MCU: variants seen among roughly 807,000 people sequenced by gnomAD.
MCU encodes the protein calcium uniporter protein, mitochondrial.
Under a neutral mutation model 45.2 loss-of-function variants are expected in MCU, and 12 were observed. The ratio of observed to expected loss-of-function variants is 0.27; its 90% CI spans 0.17 to 0.43. The LOEUF (loss-of-function observed/expected upper bound fraction) is 0.43. Ranked by LOEUF, MCU falls within the 20% of genes least tolerant of loss-of-function variation. The probability of loss-of-function intolerance (pLI) is 1.00; values close to 1 mark genes in which losing one functional copy is unlikely to be tolerated. For missense variants in MCU, 324 were observed against 436.7 expected, an observed-to-expected ratio of 0.74 and a Z score of 2.30; for synonymous variants, 160 against 165.1, an observed-to-expected ratio of 0.97 and a Z score of 0.24.
intron 1 of MCU, among the ~76,000 whole-genome samples, chr10:72,784,798 A>G (rs1232446956): frequency 6.6e-6 from 1 of 152,138 alleles, no homozygotes; most frequent in Non-Finnish European, 1.5e-5. Context: ...TTGCCTTTTC[A>G]TGGGCTTGGG....
chr10:72,819,824 A>G (rs889315491), intron 1 of MCU, among the ~76,000 whole-genome samples: 9 of 143,994 alleles, frequency 6.3e-5, no homozygotes, highest in Non-Finnish European at 1.3e-4. Context: ...ACATTCTTCT[A>G]CATAATAATA....
chr10:72,697,691 C>T (rs1280583792), intron 1 of MCU, among the ~76,000 whole-genome samples: 2 of 152,122 alleles, frequency 1.3e-5, no homozygotes, highest in African/African-American at 4.8e-5. Context: ...ACCTCGGCCT[C>T]CCAAAGTGCT....
At chr10:72,719,475 G>A (rs540999765) in intron 1 of MCU, among the ~76,000 whole-genome samples, 1 of 152,268 alleles carries the variant, frequency 6.6e-6, no homozygotes, top group South Asian at 2.1e-4. Context: ...AAGAATGATC[G>A]GTCAAATAGT....
chr10:72,771,397 T>G (rs1389413729), intron 1 of MCU, among the ~76,000 whole-genome samples: 1 of 152,206 alleles, frequency 6.6e-6, no homozygotes, highest in East Asian at 1.9e-4. Flanking sequence ...CTGCATAGTA[T>G]TCCATGGTGT....
Position 72,800,660 on chromosome 10 carries a change from A to T in MCU, c.151-33699A>T, listed in dbSNP as rs561622705. On this transcript the variant is annotated intron_variant, in intron 1 of 7. Coordinates refer to ENST00000373053, the MANE Select transcript of MCU (RefSeq NM_138357.3). ...AGAATCACTGATAACAAAAGCAAAC[A>T]TCCTGTAACAGAATACTGAATACAA... 1.8e-4 allele frequency among the ~76,000 whole-genome samples: 27 copies of T among 152,332 alleles called. 1 individual carries two copies. In the South Asian group the frequency reaches 4.6e-3, roughly 26 times the overall value.
chr10:72,777,193 G>A (rs1843908388), intron 1 of MCU, among the ~76,000 whole-genome samples: 1 of 151,984 alleles, frequency 6.6e-6, no homozygotes, highest in Non-Finnish European at 1.5e-5. Flanking sequence ...ACAGAAATAG[G>A]GAAAAAAATT....
At chr10:72,857,098 C>A (rs1225367818) in intron 2 of MCU, among the ~76,000 whole-genome samples, 1 of 152,036 alleles carries the variant, frequency 6.6e-6, no homozygotes. Flanking sequence ...AGACACATGT[C>A]GCCACATCTG....
In MCU at chr10:72,822,958, G is replaced by A. The variant is rs148624824; in HGVS notation, c.151-11401G>A. Among the ~76,000 whole-genome samples the A allele has an allele frequency of 6.0e-3, 907 of 152,250 alleles. 12 individuals carry two copies. The highest frequency in any genetic ancestry group is 0.021 in the African/African-American group (855 of 41,540). ...TACTTTATATAAATACTCGTATGGCGATTCCTCACAATGTTATCAGAGTTC... is the reference window on the plus strand; with the variant it reads ...TACTTTATATAAATACTCGTATGGCAATTCCTCACAATGTTATCAGAGTTC... On this transcript the variant is annotated intron_variant, in intron 1 of 7. Transcript: ENST00000373053.
At chr10:72,726,137 G>A (rs907129525) in intron 1 of MCU, among the ~76,000 whole-genome samples, 1 of 151,750 alleles carries the variant, frequency 6.6e-6, no homozygotes, top group Non-Finnish European at 1.5e-5. Flanking sequence ...TGGGCTCAAA[G>A]GATCCTCCCA....
chr10:72,839,142 A>G (rs574006213), intron 2 of MCU, among the ~76,000 whole-genome samples: 1 of 152,114 alleles, frequency 6.6e-6, no homozygotes, highest in East Asian at 1.9e-4. Context: ...AGCACGCACC[A>G]TCACGCCCGA....
chr10:72,874,057 C>T (rs1229688614), intron 6 of MCU, among the ~76,000 whole-genome samples: 1 of 152,056 alleles, frequency 6.6e-6, no homozygotes, highest in African/African-American at 2.4e-5. Context: ...TTGTTCTTTT[C>T]GCTCAGGATT....
intron 1 of MCU, among the ~76,000 whole-genome samples, chr10:72,771,322 A>G (rs993906738): frequency 2.0e-5 from 3 of 152,128 alleles, no homozygotes; most frequent in Admixed American, 1.3e-4. Context: ...TTAGTTTGCT[A>G]AGAATGATGG....
At chr10:72,824,490 T>C (rs1362714542) in intron 1 of MCU, among the ~76,000 whole-genome samples, 1 of 151,836 alleles carries the variant, frequency 6.6e-6, no homozygotes, top group Non-Finnish European at 1.5e-5. Context: ...ATTACAGGCG[T>C]GAGGCACCGC....
chr10:72,817,629 G>A (rs1589477441), intron 1 of MCU, among the ~76,000 whole-genome samples: 1 of 152,102 alleles, frequency 6.6e-6, no homozygotes, highest in Admixed American at 6.6e-5. Flanking sequence ...TATTGTTGTT[G>A]TTGTTTTTAA....
intron 1 of MCU, among the ~76,000 whole-genome samples, chr10:72,763,323 A>G (rs933772442): frequency 6.6e-6 from 1 of 152,074 alleles, no homozygotes; most frequent in African/African-American, 2.4e-5. Context: ...AGAGTCTGGC[A>G]CCTAACCCAG....
intron 1 of MCU, among the ~76,000 whole-genome samples, chr10:72,758,776 T>C (rs1382512219): frequency 1.3e-5 from 2 of 152,228 alleles, no homozygotes; most frequent in African/African-American, 4.8e-5. Flanking sequence ...ATCTATTTTC[T>C]TGACTTTGAG....
chr10:72,715,971 CAT>C (rs1842951257), intron 1 of MCU: 5 of 815,070 alleles, frequency 6.1e-6, no homozygotes, highest in Non-Finnish European at 5.9e-6. Flanking sequence ...GGTGTGAACT[CAT>C]GTGGTTTTAT....
intron 1 of MCU, among the ~76,000 whole-genome samples, chr10:72,803,043 T>C (rs1844366728): frequency 6.6e-6 from 1 of 152,196 alleles, no homozygotes; most frequent in Non-Finnish European, 1.5e-5. Flanking sequence ...ACTCCTTTTC[T>C]CCTCTTCTCC....
At chr10:72,816,639 G>A (rs1264880479) in intron 1 of MCU, among the ~76,000 whole-genome samples, 1 of 152,188 alleles carries the variant, frequency 6.6e-6, no homozygotes, top group Non-Finnish European at 1.5e-5. Context: ...ATTTAGCTGG[G>A]GTGGTGGCAA....
Sources: allele counts gnomAD v4.1 joint callset (sites outside exome capture counted in the v4.1 genomes callset), GRCh38; gene constraint gnomAD v4.1.1; transcripts MANE v1.5; gene names NCBI Gene and HGNC (gene_info 2026-07-23, HGNC 2026-07-21).